The following B3GALT1 variants were observed in gnomAD, a reference collection of about 807,000 sequenced individuals.
The protein encoded by B3GALT1 is beta-1,3-galactosyltransferase 1.
B3GALT1 carries 10 observed loss-of-function variants against 23.2 expected under a neutral mutation model. That is an observed-to-expected ratio of 0.43 (90% CI 0.27 to 0.73). B3GALT1 has a LOEUF of 0.73. Among genes scored for constraint, B3GALT1 ranks in the 30% least tolerant of loss-of-function variants. The pLI is 0.21. For synonymous variants in B3GALT1, 156 were observed against 141.5 expected (o/e 1.10, Z -0.73); for missense variants, 299 against 405.4 (o/e 0.74, Z 2.25).
chr2:167,301,902 G>A (rs1431536963), intron 1 of B3GALT1, among the ~76,000 whole-genome samples: 7 of 152,088 alleles, frequency 4.6e-5, no homozygotes, highest in Non-Finnish European at 1.0e-4. Flanking sequence ...ATAGCAGAAG[G>A]GAAAAATGTC....
chr2:167,846,642 C>T (rs753890224), intron 4 of B3GALT1, among the ~76,000 whole-genome samples: 4 of 152,124 alleles, frequency 2.6e-5, no homozygotes, highest in Non-Finnish European at 4.4e-5. Context: ...CAAAACAGAA[C>T]CTCTTTAAAC....
chr2:167,514,963 T>C (rs893778602), intron 2 of B3GALT1, among the ~76,000 whole-genome samples: 1 of 152,164 alleles, frequency 6.6e-6, no homozygotes, highest in Non-Finnish European at 1.5e-5. Flanking sequence ...TAATTTGTTA[T>C]GATCATTATC....
intron 2 of B3GALT1, among the ~76,000 whole-genome samples, chr2:167,506,361 C>T (rs1357475853): frequency 2.0e-5 from 3 of 152,088 alleles, no homozygotes; most frequent in Non-Finnish European, 4.4e-5. Flanking sequence ...AAAAAGGAGA[C>T]TATCTAAAAT....
intron 2 of B3GALT1, among the ~76,000 whole-genome samples, chr2:167,497,680 A>G (rs1699799141): frequency 1.3e-5 from 2 of 152,052 alleles, no homozygotes; most frequent in Admixed American, 1.3e-4. Context: ...CCTTGAAACT[A>G]TATGAAGAAG....
At chr2:167,865,392 G>T (rs1383457323) in intron 4 of B3GALT1, among the ~76,000 whole-genome samples, 1 of 152,134 alleles carries the variant, frequency 6.6e-6, no homozygotes, top group Non-Finnish European at 1.5e-5. Context: ...GACAGAGTGA[G>T]ACTCCATCTC....
At chr2:167,320,875 T>G (rs184081193) in intron 1 of B3GALT1, among the ~76,000 whole-genome samples, 28 of 152,110 alleles carry the variant, frequency 1.8e-4, no homozygotes, top group Non-Finnish European at 1.5e-4. Context: ...AAAGGAAAAT[T>G]TCTAAGTTTA....
intron 1 of B3GALT1, among the ~76,000 whole-genome samples, chr2:167,372,829 T>G (rs1171422196): frequency 6.6e-6 from 1 of 152,082 alleles, no homozygotes; most frequent in African/African-American, 2.4e-5. Flanking sequence ...AAGGAAGACC[T>G]AAATAAATGG....
At chr2:167,590,156 C>A (rs1414757207) in intron 2 of B3GALT1, among the ~76,000 whole-genome samples, 1 of 151,948 alleles carries the variant, frequency 6.6e-6, no homozygotes. Flanking sequence ...ACCATCCTGG[C>A]TAACACAGTG....
rs1436777064 is a variant in B3GALT1, at chr2:167,512,544, A to ATG, written c.-410+22269_-410+22270dup. ...TATATATGTGTGTGTGTATATATAT[A>ATG]TGTATATATATGTATATATATATGT... On this transcript the variant is annotated intron_variant, in intron 2 of 4. Transcript: ENST00000392690. 8.5e-4 allele frequency among the ~76,000 whole-genome samples: 62 copies of ATG among 73,344 alleles called. 4 individuals carry two copies. The East Asian group carries it at 0.061, about 72-fold the overall frequency. 48.1% of individuals were successfully genotyped at this position (73,344 alleles called of 152,430 possible). A position where few individuals can be genotyped will look rare whatever the true frequency, so the allele number is the denominator to read the frequency against.
chr2:167,473,346 T>C (rs1444929846), intron 1 of B3GALT1, among the ~76,000 whole-genome samples: 3 of 152,092 alleles, frequency 2.0e-5, no homozygotes, highest in African/African-American at 7.2e-5. Flanking sequence ...AACTTTGTTG[T>C]TCCTTGAGAA....
chr2:167,535,810 A>G (rs1417833570), intron 2 of B3GALT1, among the ~76,000 whole-genome samples: 2 of 152,228 alleles, frequency 1.3e-5, no homozygotes, highest in Non-Finnish European at 2.9e-5. Flanking sequence ...GCCATTATGA[A>G]TCAAACTGCA....
chr2:167,760,247 G>A (rs2105297112), intron 3 of B3GALT1, among the ~76,000 whole-genome samples: 1 of 152,172 alleles, frequency 6.6e-6, no homozygotes, highest in Non-Finnish European at 1.5e-5. Flanking sequence ...TTTAAGCTTT[G>A]GACTAAAGTA....
chr2:167,759,627 C>G (rs542946621), intron 3 of B3GALT1, among the ~76,000 whole-genome samples: 1 of 152,070 alleles, frequency 6.6e-6, no homozygotes, highest in African/African-American at 2.4e-5. Flanking sequence ...AGGAGCAAGC[C>G]GGTAATTGGC....
chr2:167,762,015 C>G (rs1356792735), intron 3 of B3GALT1, among the ~76,000 whole-genome samples: 3 of 152,144 alleles, frequency 2.0e-5, no homozygotes, highest in African/African-American at 7.2e-5. Flanking sequence ...GTAAGAATTC[C>G]AGATTTGACT....
chr2:167,497,882 C>G (rs772384383), intron 2 of B3GALT1, among the ~76,000 whole-genome samples: 23 of 151,778 alleles, frequency 1.5e-4, no homozygotes, highest in Admixed American at 7.2e-4. Flanking sequence ...AGTGAAAAAT[C>G]TGTACTTTTA....
chr2:167,630,658 A>T (rs1372292071), intron 2 of B3GALT1, among the ~76,000 whole-genome samples: 1 of 151,724 alleles, frequency 6.6e-6, no homozygotes, highest in Non-Finnish European at 1.5e-5. Context: ...TAGATAATTG[A>T]AAGATGGAAT....
chr2:167,715,266 G>C, intron 3 of B3GALT1: 1 of 1,613,948 alleles, frequency 6.2e-7, no homozygotes, highest in Non-Finnish European at 8.5e-7. Flanking sequence ...TGTCCAGTCA[G>C]GGTCTTGATG....
At chr2:167,363,114 CA>C (rs1393351045) in intron 1 of B3GALT1, among the ~76,000 whole-genome samples, 1 of 151,432 alleles carries the variant, frequency 6.6e-6, no homozygotes, top group Non-Finnish European at 1.5e-5. Flanking sequence ...CTCAGCCTCC[CA>C]AAGTGCTGGG....
chr2:167,605,282 G>A (rs961760688), intron 2 of B3GALT1, among the ~76,000 whole-genome samples: 15 of 152,204 alleles, frequency 9.9e-5, no homozygotes, highest in Non-Finnish European at 1.3e-4. Flanking sequence ...TATCCCAAAC[G>A]TAGTGGCTTC....
Sources: allele counts gnomAD v4.1 joint callset (sites outside exome capture counted in the v4.1 genomes callset), GRCh38; gene constraint gnomAD v4.1.1; transcripts MANE v1.5; gene names NCBI Gene and HGNC (gene_info 2026-07-23, HGNC 2026-07-21).